CCDC91: variants seen among roughly 807,000 people sequenced by gnomAD.
CCDC91 encodes coiled-coil domain-containing protein 91.
In CCDC91, 48 loss-of-function variants were observed where a neutral mutation model predicts 63.2. The ratio of observed to expected loss-of-function variants is 0.76; its 90% CI spans 0.60 to 0.97. The LOEUF (loss-of-function observed/expected upper bound fraction) is 0.97. CCDC91 is among the 50% of genes least tolerant of loss of function. The pLI, the probability that CCDC91 is intolerant of heterozygous loss-of-function variation, is 0.00. For missense variants in CCDC91, 500 were observed against 494.6 expected (o/e 1.01, Z -0.10); for synonymous variants, 167 against 165.8 (o/e 1.01, Z -0.06).
intron 6 of CCDC91, among the ~76,000 whole-genome samples, chr12:28,315,605 C>A (rs1313531338): frequency 1.3e-5 from 2 of 151,994 alleles, no homozygotes; most frequent in Non-Finnish European, 2.9e-5. Flanking sequence ...GAACAATAAT[C>A]TTCAATCCAG....
intron 1 of CCDC91, among the ~76,000 whole-genome samples, chr12:28,251,747 T>C (rs779541574): frequency 1.3e-4 from 20 of 152,142 alleles, no homozygotes; most frequent in Non-Finnish European, 1.2e-4. Context: ...GTAAAACATA[T>C]GAGCTAGTCT....
At chr12:28,458,438 T>G (rs988163867) in intron 11 of CCDC91, among the ~76,000 whole-genome samples, 2 of 148,566 alleles carry the variant, frequency 1.3e-5, no homozygotes, top group African/African-American at 5.0e-5. Flanking sequence ...TTTTCCCTTT[T>G]GTCCTCATTT....
intron 8 of CCDC91, among the ~76,000 whole-genome samples, chr12:28,440,418 A>C (rs1034418252): frequency 6.6e-6 from 1 of 152,214 alleles, no homozygotes; most frequent in African/African-American, 2.4e-5. Context: ...CTAAAGCTAG[A>C]GTTAATGATT....
intron 7 of CCDC91, among the ~76,000 whole-genome samples, chr12:28,386,515 C>T (rs975663618): frequency 6.6e-6 from 1 of 152,052 alleles, no homozygotes; most frequent in African/African-American, 2.4e-5. Flanking sequence ...ATTACAGGTG[C>T]ACTCCACGAT....
intron 3 of CCDC91, among the ~76,000 whole-genome samples, chr12:28,270,686 A>T (rs1947708865): frequency 6.6e-6 from 1 of 152,174 alleles, no homozygotes; most frequent in Non-Finnish European, 1.5e-5. Flanking sequence ...AAGTAATTTC[A>T]ACCCTTGGTC....
At chr12:28,373,336 C>A (rs1944739152) in intron 7 of CCDC91, among the ~76,000 whole-genome samples, 1 of 152,014 alleles carries the variant, frequency 6.6e-6, no homozygotes, top group African/African-American at 2.4e-5. Flanking sequence ...ATTTGGAAGT[C>A]ATTTAGCCTC....
chr12:28,223,916 G>A (rs745396988), intron 1 of CCDC91, among the ~76,000 whole-genome samples: 13 of 152,144 alleles, frequency 8.5e-5, no homozygotes, highest in Non-Finnish European at 1.6e-4. Context: ...GGCCATTGGA[G>A]GTATGTTTGC....
intron 1 of CCDC91, among the ~76,000 whole-genome samples, chr12:28,207,680 G>A (rs1442224520): frequency 6.6e-6 from 1 of 152,144 alleles, no homozygotes; most frequent in African/African-American, 2.4e-5. Flanking sequence ...TGGAACATTG[G>A]TTATAAACTA....
intron 1 of CCDC91, among the ~76,000 whole-genome samples, chr12:28,200,210 C>T (rs1432657701): frequency 6.7e-6 from 1 of 150,214 alleles, no homozygotes; most frequent in Non-Finnish European, 1.5e-5. Context: ...TGTGCCAGCT[C>T]AAATGTGCAG....
intron 11 of CCDC91, among the ~76,000 whole-genome samples, chr12:28,454,606 G>A (rs575985873): frequency 3.9e-5 from 6 of 152,230 alleles, no homozygotes; most frequent in Admixed American, 1.3e-4. Context: ...AATTTAAGCC[G>A]CTATCTTTAT....
At position 28,458,719 on chromosome 12, in the gene CCDC91, C is replaced by T. The variant is rs1950173823; in HGVS notation, c.1101+6065C>T. On this transcript the variant is annotated intron_variant, in intron 11 of 12. Coordinates refer to ENST00000536442, the MANE Select transcript of CCDC91 (RefSeq NM_018318.5). ...GTCTCAAACTACTGACCTTGTAATCCACCCACCTCACATCTTTTTAATTAT... is the reference window on the plus strand; with the variant it reads ...GTCTCAAACTACTGACCTTGTAATCTACCCACCTCACATCTTTTTAATTAT... Among the ~76,000 whole-genome samples, 5 of 151,992 alleles carry T rather than the reference C, an allele frequency of 3.3e-5. No individual in the cohort carries two copies. In the South Asian group the frequency reaches 1.0e-3, roughly 32 times the overall value.
chr12:28,201,383 C>G (rs1372037367), intron 1 of CCDC91, among the ~76,000 whole-genome samples: 1 of 141,410 alleles, frequency 7.1e-6, no homozygotes, highest in Non-Finnish European at 1.6e-5. Context: ...TCCTCACATC[C>G]CAGGCGGGGC....
At chr12:28,331,633 G>C (rs1213273895) in intron 6 of CCDC91, among the ~76,000 whole-genome samples, 1 of 152,176 alleles carries the variant, frequency 6.6e-6, no homozygotes. Context: ...AGAGCTAGGA[G>C]ATAGTTCACT....
At chr12:28,278,741 T>C (rs1272636786) in intron 3 of CCDC91, among the ~76,000 whole-genome samples, 1 of 152,110 alleles carries the variant, frequency 6.6e-6, no homozygotes, top group Non-Finnish European at 1.5e-5. Flanking sequence ...TATGCTGTTC[T>C]CTTTGCCTGG....
At chr12:28,336,986 A>G (rs569486989) in intron 6 of CCDC91, among the ~76,000 whole-genome samples, 1 of 152,280 alleles carries the variant, frequency 6.6e-6, no homozygotes, top group African/African-American at 2.4e-5. Flanking sequence ...CTTCTATAAT[A>G]AAATTGTCAA....
At chr12:28,488,721 T>G (rs1271148467) in intron 12 of CCDC91, among the ~76,000 whole-genome samples, 1 of 151,882 alleles carries the variant, frequency 6.6e-6, no homozygotes, top group East Asian at 1.9e-4. Flanking sequence ...ACTTATATAA[T>G]AGAGAAGAAA....
intron 1 of CCDC91, among the ~76,000 whole-genome samples, chr12:28,200,358 A>G (rs1274070846): frequency 3.5e-4 from 52 of 148,294 alleles, no homozygotes; most frequent in Non-Finnish European, 4.5e-5. Flanking sequence ...GTCATAGGAC[A>G]ATAGTGGAGG....
chr12:28,447,622 G>T (rs186180384), intron 8 of CCDC91, among the ~76,000 whole-genome samples: 16 of 148,786 alleles, frequency 1.1e-4, no homozygotes, highest in African/African-American at 3.7e-4. Flanking sequence ...AAGCTAAGGT[G>T]GGAGGATCAC....
intron 6 of CCDC91, among the ~76,000 whole-genome samples, chr12:28,345,991 C>T (rs1942784982): frequency 6.6e-6 from 1 of 151,964 alleles, no homozygotes; most frequent in Non-Finnish European, 1.5e-5. Flanking sequence ...GTCTTTTATG[C>T]ATTTTTATTC....
Sources: allele counts gnomAD v4.1 joint callset (sites outside exome capture counted in the v4.1 genomes callset), GRCh38; gene constraint gnomAD v4.1.1; transcripts MANE v1.5; gene names NCBI Gene and HGNC (gene_info 2026-07-23, HGNC 2026-07-21).